EML4: variants seen among roughly 807,000 people sequenced by gnomAD.
EML4 encodes echinoderm microtubule-associated protein-like 4.
EML4 carries 72 observed loss-of-function variants against 129.0 expected under a neutral mutation model. That is an observed-to-expected ratio of 0.56 (90% confidence interval 0.46 to 0.68). The LOEUF is 0.68. Among genes scored for constraint, EML4 ranks in the 30% least tolerant of loss-of-function variants. The pLI is 0.00. For synonymous variants in EML4, 532 were observed against 405.0 expected (o/e 1.31, Z -3.77); for missense variants, 1,363 against 1,190.6 (o/e 1.14, Z -2.13).
rs1247334203 is a variant in EML4 at position 42,280,843 on chromosome 2, T to G, written c.668-7T>G. 6.2e-7 allele frequency: 1 copy of G among 1,601,080 alleles called. No homozygotes were observed. The highest frequency in any genetic ancestry group is 1.1e-5 in the South Asian group (1 of 88,564). On this transcript the variant is annotated splice_region_variant and splice_polypyrimidine_tract_variant and intron_variant, in intron 6 of 22. Coordinates refer to ENST00000318522, the MANE Select transcript of EML4 (RefSeq NM_019063.5). ...TATGACTTAACTTTTGTCTTGTGTT[T>G]CAACAGAAGGAGAATATATTAAAAT...
intron 6 of EML4, among the ~76,000 whole-genome samples, chr2:42,265,372 A>G (rs1572654882): frequency 6.6e-6 from 1 of 152,032 alleles, no homozygotes; most frequent in East Asian, 1.9e-4. Flanking sequence ...CCCAAAGTGC[A>G]GGGATTACAC....
At chr2:42,235,586 A>C (rs1291227041) in intron 1 of EML4, among the ~76,000 whole-genome samples, 1 of 152,172 alleles carries the variant, frequency 6.6e-6, no homozygotes, top group Non-Finnish European at 1.5e-5. Flanking sequence ...TCTAACCTAT[A>C]AGGGCTGCAC....
chr2:42,311,434 T>G (rs1280102334), intron 17 of EML4, among the ~76,000 whole-genome samples: 3 of 152,068 alleles, frequency 2.0e-5, no homozygotes, highest in East Asian at 1.9e-4. Flanking sequence ...ATGCTTTTGG[T>G]CCCAGCTACT....
intron 1 of EML4, among the ~76,000 whole-genome samples, chr2:42,226,072 A>G: frequency 6.6e-6 from 1 of 151,964 alleles, no homozygotes; most frequent in Non-Finnish European, 1.5e-5. Flanking sequence ...ATGGTAAAAT[A>G]ATGTATTGGA....
intron 1 of EML4, among the ~76,000 whole-genome samples, chr2:42,202,124 G>A (rs1257844676): frequency 2.6e-5 from 4 of 152,004 alleles, no homozygotes; most frequent in African/African-American, 9.7e-5. Context: ...GACAGTTGCC[G>A]GGGGCTTGGA....
At chr2:42,170,988 A>G (rs1360879289) in intron 1 of EML4, among the ~76,000 whole-genome samples, 2 of 152,228 alleles carry the variant, frequency 1.3e-5, no homozygotes, top group Non-Finnish European at 2.9e-5. Context: ...GGCAGAAAAA[A>G]TTGTCGTTAT....
At chr2:42,195,353 A>G (rs891325422) in intron 1 of EML4, among the ~76,000 whole-genome samples, 1 of 152,348 alleles carries the variant, frequency 6.6e-6, no homozygotes, top group Non-Finnish European at 1.5e-5. Flanking sequence ...TAGTATTATA[A>G]TGTTTAATGT....
At chr2:42,256,881 G>C (rs1276463866) in intron 3 of EML4, among the ~76,000 whole-genome samples, 1 of 152,104 alleles carries the variant, frequency 6.6e-6, no homozygotes, top group Non-Finnish European at 1.5e-5. Flanking sequence ...TCCTGGTTTT[G>C]TTTTGTTTCT....
chr2:42,201,831 C>G (rs1672250198), intron 1 of EML4, among the ~76,000 whole-genome samples: 1 of 152,194 alleles, frequency 6.6e-6, no homozygotes, highest in South Asian at 2.1e-4. Flanking sequence ...CCTGTAATCC[C>G]AGCACTTTAG....
chr2:42,253,134 A>G (rs1454916501), intron 2 of EML4, among the ~76,000 whole-genome samples: 1 of 152,190 alleles, frequency 6.6e-6, no homozygotes, highest in East Asian at 1.9e-4. Context: ...AGAAGAATAA[A>G]AAGTACTTAG....
chr2:42,217,212 T>G (rs1216035813), intron 1 of EML4, among the ~76,000 whole-genome samples: 2 of 152,212 alleles, frequency 1.3e-5, no homozygotes, highest in Admixed American at 6.5e-5. Context: ...TTTTATTTGT[T>G]TTTGTAGTGG....
chr2:42,292,481 A>T (rs1667701563), intron 11 of EML4, among the ~76,000 whole-genome samples: 2 of 152,206 alleles, frequency 1.3e-5, no homozygotes, highest in South Asian at 4.1e-4. Flanking sequence ...ACACAAATGG[A>T]TTTTAGAAAT....
chr2:42,207,227 C>T (rs1322183386), intron 1 of EML4, among the ~76,000 whole-genome samples: 1 of 152,030 alleles, frequency 6.6e-6, no homozygotes, highest in Non-Finnish European at 1.5e-5. Flanking sequence ...TTTTTAAATA[C>T]AACCAAAACT....
chr2:42,287,254 G>A (rs1439539075), intron 10 of EML4, among the ~76,000 whole-genome samples: 1 of 152,158 alleles, frequency 6.6e-6, no homozygotes, highest in Non-Finnish European at 1.5e-5. Context: ...GGCACTGAAT[G>A]TCAAGGGTCC....
rs758054239 is a variant in EML4, at chr2:42,330,200, C to G, written c.2939C>G (p.Ser980Trp). The change falls in exon 23 of 23, where the codon TCG becomes TGG. Residue 980 changes from serine to tryptophan, a missense_variant. Coordinates refer to ENST00000318522, the MANE Select transcript of EML4 (RefSeq NM_019063.5). ...GAGGACCAGCAAGACCCTTCGCCCTCGTCCTAACACCCTGGCTTCAGTGCA... is the reference window on the plus strand; with the variant it reads ...GAGGACCAGCAAGACCCTTCGCCCTGGTCCTAACACCCTGGCTTCAGTGCA... ...LLEDQQDPSP[S>W]S 5 of 1,612,878 alleles carry G rather than the reference C, an allele frequency of 3.1e-6. No individual in the cohort carries two copies. In the East Asian group the frequency reaches 6.7e-5, roughly 22 times the overall value.
At chr2:42,283,662 T>A (rs1325141331) in intron 8 of EML4, among the ~76,000 whole-genome samples, 2 of 152,182 alleles carry the variant, frequency 1.3e-5, no homozygotes, top group Non-Finnish European at 2.9e-5. Context: ...AGATGACTAT[T>A]ATAATATTAT....
At chr2:42,214,830 C>T (rs1206874487) in intron 1 of EML4, among the ~76,000 whole-genome samples, 3 of 152,130 alleles carry the variant, frequency 2.0e-5, no homozygotes, top group Non-Finnish European at 4.4e-5. Flanking sequence ...AAGGGCAGCT[C>T]AGTTCTCCTG....
At chr2:42,235,603 T>C (rs35435791) in intron 1 of EML4, among the ~76,000 whole-genome samples, 38,524 of 152,122 alleles carry the variant, frequency 0.25, 5,860 homozygotes, top group East Asian at 0.56. Context: ...GCACAGTATC[T>C]CAGCATAAGT....
At chr2:42,302,121 A>G (rs977151180) in intron 14 of EML4, among the ~76,000 whole-genome samples, 10 of 152,164 alleles carry the variant, frequency 6.6e-5, no homozygotes, top group African/African-American at 2.2e-4. Flanking sequence ...GTATTGCATT[A>G]AATGAAATTG....
Sources: allele counts gnomAD v4.1 joint callset (sites outside exome capture counted in the v4.1 genomes callset), GRCh38; gene constraint gnomAD v4.1.1; transcripts MANE v1.5; gene names NCBI Gene and HGNC (gene_info 2026-07-23, HGNC 2026-07-21).